The following MID2 variants were observed in gnomAD, a reference collection of about 807,000 sequenced individuals.
The protein encoded by MID2 is probable E3 ubiquitin-protein ligase MID2.
In MID2, 13 loss-of-function variants were observed where a neutral mutation model predicts 46.1. That is an observed-to-expected ratio of 0.28 (90% CI 0.18 to 0.45). The LOEUF (loss-of-function observed/expected upper bound fraction) is 0.45. MID2 is among the 20% of genes least tolerant of loss of function. The pLI, the probability that MID2 is intolerant of heterozygous loss-of-function variation, is 1.00. For missense variants in MID2, 431 were observed against 575.4 expected (o/e 0.75, Z 2.57); for synonymous variants, 199 against 212.3 (o/e 0.94, Z 0.55).
chrX:107,877,132 A>G (rs1417774185), intron 3 of MID2, among the ~76,000 whole-genome samples: 1 of 112,129 alleles, frequency 8.9e-6, no homozygotes, highest in Non-Finnish European at 1.9e-5. Context: ...AACCAATCCT[A>G]CACTATCAGC....
intron 1 of MID2, among the ~76,000 whole-genome samples, chrX:107,836,999 C>G (rs545250205): frequency 6.3e-5 from 7 of 111,125 alleles, no homozygotes; most frequent in Non-Finnish European, 9.4e-5. Context: ...TATGGGCAAC[C>G]CTTTCCCCAG....
rs148012020 is a variant in MID2 at position 107,917,730 on chromosome X, G to T, written c.1426G>T (p.Ala476Ser). 36 of 1,208,259 alleles carry T rather than the reference G, an allele frequency of 3.0e-5. No individual in the cohort carries two copies. The highest frequency in any genetic ancestry group is 4.0e-5 in the Non-Finnish European group (36 of 893,201). Residue 476 changes from alanine to serine, a missense_variant, in exon 7 of 10, where the codon GCG becomes TCG. Physicochemically the swap from Ala to Ser is moderately conservative, Grantham distance 99 (BLOSUM62 1). Transcript: ENST00000262843. Reference protein sequence around the residue: ...EAVSCSRLAGAPRGLYNSVDS... With the variant: ...EAVSCSRLAGSPRGLYNSVDS... Reference sequence around the variant, plus strand: ...AGTAAGCTGCTCAAGATTGGCCGGGGCGCCACGAGGCAAGTGTTTGTAAGA... The same window carrying T: ...AGTAAGCTGCTCAAGATTGGCCGGGTCGCCACGAGGCAAGTGTTTGTAAGA...
Position 107,920,957 on chromosome X carries a change from C to A in MID2, c.1435+3218C>A, listed in dbSNP as rs774205884. 2.9e-4 allele frequency among the ~76,000 whole-genome samples: 32 copies of A among 111,836 alleles called. No individual in the cohort carries two copies. In the South Asian group the frequency reaches 0.012, roughly 42 times the overall value. Reference sequence around the variant, plus strand: ...AGAATAAGGAAATTCTCTTACATAACCACAGTATAGTTACCAACTTGAAGA... The same window carrying A: ...AGAATAAGGAAATTCTCTTACATAAACACAGTATAGTTACCAACTTGAAGA... On this transcript the variant is annotated intron_variant, in intron 7 of 9. Transcript: ENST00000262843.
At chrX:107,856,796 C>G (rs1602468028) in intron 3 of MID2, among the ~76,000 whole-genome samples, 1 of 112,574 alleles carries the variant, frequency 8.9e-6, no homozygotes, top group South Asian at 3.7e-4. Flanking sequence ...TGAGGTGACA[C>G]TAGTGCTGCC....
chrX:107,826,680 G>A (rs1226340730), intron 1 of MID2, among the ~76,000 whole-genome samples: 1 of 113,074 alleles, frequency 8.8e-6, no homozygotes, highest in East Asian at 2.8e-4. Flanking sequence ...GACGGAGTTT[G>A]CACTCCGGGG....
At position 107,854,593 on chromosome X, in the gene MID2, C is replaced by A. The variant is rs375246147; in HGVS notation, c.721-16C>A. The A allele has an allele frequency of 1.4e-5, 16 of 1,170,544 alleles. No homozygotes were observed. Among genetic ancestry groups the A allele is most frequent in the Middle Eastern group, 2.3e-4 (1 of 4,272 alleles). On this transcript the variant is annotated splice_polypyrimidine_tract_variant and intron_variant, in intron 2 of 9. Coordinates refer to ENST00000262843, the MANE Select transcript of MID2 (RefSeq NM_012216.4). ...TTCTCGGTTCCCCTCTGGATTCATACCCTCTGCGATGACAGCAAACTCTGG... is the reference window on the plus strand; with the variant it reads ...TTCTCGGTTCCCCTCTGGATTCATAACCTCTGCGATGACAGCAAACTCTGG...
chrX:107,876,652 A>G (rs1932205929), intron 3 of MID2, among the ~76,000 whole-genome samples: 1 of 110,579 alleles, frequency 9.0e-6, no homozygotes, highest in Admixed American at 9.7e-5. Flanking sequence ...CTGACAATAT[A>G]TGTGATACTA....
In MID2 at chrX:107,904,042, G is replaced by T. The variant is rs774271439; in HGVS notation, c.901G>T (p.Ala301Ser). ...EIIQQRKQMIAVKIKETKVMK... is the reference protein window; with the variant it reads ...EIIQQRKQMISVKIKETKVMK... ...CATCCAGCAGAGGAAGCAAATGATC[G>T]CTGTCAAAATCAAAGAGACAAAGGT... Residue 301 changes from alanine (A) to serine (S), a missense_variant, in exon 4 of 10, where the codon GCT becomes TCT. Physicochemically the swap from Ala to Ser is moderately conservative, Grantham distance 99 (BLOSUM62 1). Transcript: ENST00000262843. The T allele has an allele frequency of 1.7e-6, 2 of 1,198,381 alleles. No individual in the cohort carries two copies. The highest frequency in any genetic ancestry group is 1.7e-5 in the African/African-American group (1 of 57,581).
In MID2 at chrX:107,910,622, T is replaced by C; in HGVS notation, c.1073+4996T>C. Among the ~76,000 whole-genome samples the C allele has an allele frequency of 2.9e-5, 3 of 104,631 alleles. 1 individual carries two copies. The Admixed American group carries it at 3.1e-4, about 11-fold the overall frequency. The allele number at this position is 104,631 out of a possible 115,157, so 90.9% of individuals were successfully genotyped here. On this transcript the variant is annotated intron_variant, in intron 5 of 9. Transcript: ENST00000262843. The stretch of plus-strand genomic sequence containing the variant: ...TACTAATTTATATTCCCACCAACAA[T>C]GTATAAGGGTTCCCTTTTCTCTACA...
chrX:107,915,671 A>G (rs767910347), intron 5 of MID2, among the ~76,000 whole-genome samples: 6 of 111,906 alleles, frequency 5.4e-5, no homozygotes, highest in African/African-American at 1.6e-4. Flanking sequence ...GTTTTTACCA[A>G]ACCTTTAAAG....
At chrX:107,889,220 G>A (rs1463475960) in intron 3 of MID2, among the ~76,000 whole-genome samples, 1 of 111,578 alleles carries the variant, frequency 9.0e-6, no homozygotes, top group East Asian at 2.8e-4. Flanking sequence ...TAGCCTCAAT[G>A]GTCTTTACAA....
intron 1 of MID2, among the ~76,000 whole-genome samples, chrX:107,833,504 G>T: frequency 9.2e-6 from 1 of 108,852 alleles, no homozygotes; most frequent in Non-Finnish European, 1.9e-5. Context: ...TCACACTCAT[G>T]GATTTTCTAT....
At chrX:107,905,700 G>A in intron 5 of MID2, 74 bp downstream of exon 5, 1 of 906,928 alleles carries the variant, frequency 1.1e-6, no homozygotes, top group Non-Finnish European at 1.5e-6. Context: ...TAAAGTTCAG[G>A]CATGTATCTA....
rs766362742 is a variant in MID2, at chrX:107,828,310, C to CTTTTTT, written c.4+1894_4+1899dup. ...TTCTTTTCTTTTCTTTCTTTCTTTT[C>CTTTTTT]TTTTTTTTTTTTTTTTTTTGAGACA... On this transcript the variant is annotated intron_variant, in intron 1 of 9. Transcript: ENST00000262843. Among the ~76,000 whole-genome samples, 33 of 82,982 alleles carry CTTTTTT rather than the reference C, an allele frequency of 4.0e-4. 1 individual carries two copies. Among genetic ancestry groups the CTTTTTT allele is most frequent in the African/African-American group, 1.1e-3 (20 of 18,405 alleles). The allele number at this position is 82,982 out of a possible 115,157, so 72.1% of individuals were successfully genotyped here. A position where few individuals can be genotyped will look rare whatever the true frequency, so the allele number is the denominator to read the frequency against.
At chrX:107,892,341 C>T (rs1226419442) in intron 3 of MID2, among the ~76,000 whole-genome samples, 1 of 112,269 alleles carries the variant, frequency 8.9e-6, no homozygotes, top group African/African-American at 3.2e-5. Context: ...CTGTCACCCA[C>T]TAGTCACATG....
chrX:107,877,698 G>A (rs1932230633), intron 3 of MID2, among the ~76,000 whole-genome samples: 2 of 111,871 alleles, frequency 1.8e-5, no homozygotes, highest in African/African-American at 6.5e-5. Context: ...TATCTATGCC[G>A]TGGAGCATGG....
chrX:107,927,009 G>C lies in MID2; in HGVS notation c.2144G>C (p.Arg715Pro). ...CCAGATTTTATTGATTACCCTGAGC[G>C]GCAGGAATGCAACTGCAGGCCTCAA... ...PAPDFIDYPE[R>P]QECNCRPQES... The change falls in exon 10 of 10, where the codon CGG becomes CCG. Residue 715 changes from arginine to proline, a missense_variant. Transcript: ENST00000262843. 8.3e-7 allele frequency: 1 copy of C among 1,210,255 alleles called. No individual in the cohort carries two copies. Among genetic ancestry groups the C allele is most frequent in the Non-Finnish European group, 1.1e-6 (1 of 894,615 alleles).
chrX:107,864,365 G>A (rs1931915178), intron 3 of MID2, among the ~76,000 whole-genome samples: 1 of 111,541 alleles, frequency 9.0e-6, no homozygotes, highest in East Asian at 2.8e-4. Context: ...AGAGGAGAGG[G>A]AGTTGCCTAG....
intron 3 of MID2, among the ~76,000 whole-genome samples, chrX:107,865,179 C>T (rs1015888018): frequency 7.1e-5 from 8 of 112,041 alleles, no homozygotes; most frequent in Admixed American, 6.6e-4. Flanking sequence ...ACTAACAACC[C>T]ATGGCTCCAT....
Sources: allele counts gnomAD v4.1 joint callset (sites outside exome capture counted in the v4.1 genomes callset), GRCh38; gene constraint gnomAD v4.1.1; transcripts MANE v1.5; gene names NCBI Gene and HGNC (gene_info 2026-07-23, HGNC 2026-07-21).